The following LONRF2 variants were observed in gnomAD, a reference collection of about 807,000 sequenced individuals.
The protein encoded by LONRF2 is LON peptidase N-terminal domain and ring finger 2, also known as LON peptidase N-terminal domain and RING finger protein 2.
In LONRF2, 35 loss-of-function variants were observed where a neutral mutation model predicts 66.6. That is an observed-to-expected ratio of 0.53 (90% CI 0.40 to 0.70). The LOEUF is 0.70. LONRF2 is among the 30% of genes least tolerant of loss of function. LONRF2 has a pLI of 0.00. For missense variants in LONRF2, 902 were observed against 1,002.1 expected, an observed-to-expected ratio of 0.90 and a Z score of 1.35; for synonymous variants, 417 against 418.1, an observed-to-expected ratio of 1.00 and a Z score of 0.03.
At chr2:100,306,888 AACTT>A (rs1328168264) in intron 2 of LONRF2, among the ~76,000 whole-genome samples, 3 of 125,748 alleles carry the variant, frequency 2.4e-5, no homozygotes, top group Non-Finnish European at 5.0e-5. Context: ...TACTATCTTA[AACTT>A]ACTTTTTTTT....
At position 100,294,330 on chromosome 2, in the gene LONRF2, A is replaced by G. The variant is rs1417259051; in HGVS notation, c.1656T>C (p.Cys552=). ...AGCGGGGCTCAAAAACGTGGAGTGG[A>G]CATGGGACCGTGGGGAAGGCCATGG... ...VCAMAFPTVP[C]PLHVFEPRYR... The change falls in exon 9 of 12, where the codon TGT becomes TGC. Residue 552 remains cysteine, a synonymous_variant. Transcript: ENST00000393437. 2 of 1,608,684 alleles carry G rather than the reference A, an allele frequency of 1.2e-6. No individual in the cohort carries two copies. The highest frequency in any genetic ancestry group is 8.5e-7 in the Non-Finnish European group (1 of 1,178,010).
rs199518617 is a variant in LONRF2 at position 100,313,275 on chromosome 2, A to T, written c.680-4050T>A. Reference sequence around the variant, plus strand: ...TTTGGGAGGCCGAGGTGGGCGGATCACTTGAGGTCAGAAGTTTGAGACCAG... The same window carrying T: ...TTTGGGAGGCCGAGGTGGGCGGATCTCTTGAGGTCAGAAGTTTGAGACCAG... On this transcript the variant is annotated intron_variant, in intron 1 of 11. Transcript: ENST00000393437. Among the ~76,000 whole-genome samples, 19 of 152,316 alleles carry T rather than the reference A, an allele frequency of 1.2e-4. No homozygotes were observed. The East Asian group carries it at 2.9e-3, about 23-fold the overall frequency.
chr2:100,298,238 T>A (rs1304183668), intron 7 of LONRF2, among the ~76,000 whole-genome samples: 5 of 152,230 alleles, frequency 3.3e-5, no homozygotes, highest in African/African-American at 9.6e-5. Flanking sequence ...ATACTCTTCA[T>A]TGTATTTACC....
In LONRF2 at chr2:100,290,241, A is replaced by G. The variant is rs1288555746; in HGVS notation, c.1920+17T>C. ...AGGACCGACTGCTATAAAATACACC[A>G]GTATGATAAGCCTTACCTTTTCATC... On this transcript the variant is annotated intron_variant, in intron 10 of 11. Coordinates refer to ENST00000393437, the MANE Select transcript of LONRF2 (RefSeq NM_198461.4). 1.2e-6 allele frequency: 2 copies of G among 1,602,662 alleles called. No individual in the cohort carries two copies. Among genetic ancestry groups the G allele is most frequent in the Non-Finnish European group, 1.7e-6 (2 of 1,174,458 alleles).
chr2:100,310,216 G>A (rs759493120), intron 1 of LONRF2, among the ~76,000 whole-genome samples: 38 of 152,176 alleles, frequency 2.5e-4, no homozygotes, highest in Non-Finnish European at 4.1e-4. Flanking sequence ...GGGTCCCATG[G>A]AAAAGGCTGG....
In LONRF2 at chr2:100,281,075, T is replaced by C. The variant is rs1036861892; in HGVS notation, c.*3223A>G. 2 of 152,188 alleles carry C rather than the reference T, an allele frequency of 1.3e-5. No homozygotes were observed. Among genetic ancestry groups the C allele is most frequent in the Non-Finnish European group, 2.9e-5 (2 of 68,040 alleles). 9.4% of individuals were successfully genotyped at this position (152,188 alleles called of 1,614,324 possible). Reference sequence around the variant, plus strand: ...AAAGCCCTTAAAAATTATAACAAATTCTATGTAACACAGGCAATGGAGTAT... The same window carrying C: ...AAAGCCCTTAAAAATTATAACAAATCCTATGTAACACAGGCAATGGAGTAT... On this transcript the variant is annotated 3_prime_UTR_variant, in exon 12 of 12. Transcript: ENST00000393437.
chr2:100,313,698 T>A (rs1373904583), intron 1 of LONRF2, among the ~76,000 whole-genome samples: 9 of 152,282 alleles, frequency 5.9e-5, no homozygotes, highest in African/African-American at 1.9e-4. Flanking sequence ...ATCATGTAGT[T>A]CATTCCCAGG....
chr2:100,313,520 G>T (rs1273238652), intron 1 of LONRF2, among the ~76,000 whole-genome samples: 1 of 151,918 alleles, frequency 6.6e-6, no homozygotes, highest in Non-Finnish European at 1.5e-5. Context: ...CAAACAAATG[G>T]ACACATAAAG....
rs1261162466 is a variant in LONRF2, at chr2:100,281,242, G to A, written c.*3056C>T. ...TGTGGTAAGACTTAACATATATTAAGAGTTGAGATACAATTTGTTAAACAG... is the reference window on the plus strand; with the variant it reads ...TGTGGTAAGACTTAACATATATTAAAAGTTGAGATACAATTTGTTAAACAG... On this transcript the variant is annotated 3_prime_UTR_variant, in exon 12 of 12. Transcript: ENST00000393437. 3.3e-5 allele frequency: 5 copies of A among 151,868 alleles called. No individual in the cohort carries two copies. The highest frequency in any genetic ancestry group is 1.2e-4 in the African/African-American group (5 of 41,322). 9.4% of individuals were successfully genotyped at this position (151,868 alleles called of 1,614,324 possible). A position where few individuals can be genotyped will look rare whatever the true frequency, so the allele number is the denominator to read the frequency against.
chr2:100,286,087 T>G (rs920110489), intron 11 of LONRF2, among the ~76,000 whole-genome samples: 1 of 152,080 alleles, frequency 6.6e-6, no homozygotes, highest in Non-Finnish European at 1.5e-5. Flanking sequence ...AATGGCAATT[T>G]CTGGCAGTTA....
Position 100,321,443 on chromosome 2 carries a change from C to T in LONRF2, c.651G>A (p.Leu217=). ...GCTCCAGGGCCTGGTCGCACCTGAG[C>T]AGCGCGGCCTCCGGCTGCTGCTGGC... ...LQRQQQPEAA[L]LRCDQALELA... Residue 217 remains leucine (L), a synonymous_variant, in exon 1 of 12, where the codon CTG becomes CTA. Coordinates refer to ENST00000393437, the MANE Select transcript of LONRF2 (RefSeq NM_198461.4). 6.7e-7 allele frequency: 1 copy of T among 1,492,462 alleles called. No individual in the cohort carries two copies. Among genetic ancestry groups the T allele is most frequent in the Non-Finnish European group, 8.8e-7 (1 of 1,131,366 alleles). 92.5% of individuals were successfully genotyped at this position (1,492,462 alleles called of 1,614,324 possible).
At position 100,274,936 on chromosome 2, in the gene LONRF2, C is replaced by T. The variant is rs1453271598; in HGVS notation, c.*9362G>A. 6.6e-6 allele frequency: 1 copy of T among 152,260 alleles called. No homozygotes were observed. Among genetic ancestry groups the T allele is most frequent in the Non-Finnish European group, 1.5e-5 (1 of 68,068 alleles). 9.4% of individuals were successfully genotyped at this position (152,260 alleles called of 1,614,324 possible). On this transcript the variant is annotated 3_prime_UTR_variant, in exon 12 of 12. Coordinates refer to ENST00000393437, the MANE Select transcript of LONRF2 (RefSeq NM_198461.4). The stretch of plus-strand genomic sequence containing the variant: ...CTCCTTTATGAATTAAACGTGGGTA[C>T]ATTTCGATACCACGGGCACAGTGAG...
chr2:100,302,797 A>G, intron 3 of LONRF2, 124 bp downstream of exon 3: 1 of 958,928 alleles, frequency 1.0e-6, no homozygotes, highest in Non-Finnish European at 1.4e-6. Flanking sequence ...TGCGTTTTTT[A>G]TTGCATTATC....
chr2:100,312,408 T>C (rs928381254), intron 1 of LONRF2, among the ~76,000 whole-genome samples: 2 of 152,200 alleles, frequency 1.3e-5, no homozygotes, highest in African/African-American at 4.8e-5. Flanking sequence ...TCTCACCTGT[T>C]AACTAACTCA....
Position 100,280,900 on chromosome 2 carries a change from T to TA in LONRF2, c.*3397_*3398insT, listed in dbSNP as rs1390073248. 6.6e-6 allele frequency: 1 copy of TA among 152,238 alleles called. No homozygotes were observed. The highest frequency in any genetic ancestry group is 2.4e-5 in the African/African-American group (1 of 41,472). 9.4% of individuals were successfully genotyped at this position (152,238 alleles called of 1,614,324 possible). ...TCACCCACATTTATTTTCTTCTAAT[T>TA]TGCTATCACCTTTCTTCTTCATATC... On this transcript the variant is annotated 3_prime_UTR_variant, in exon 12 of 12. Transcript: ENST00000393437.
chr2:100,321,764 G>C lies in LONRF2; in HGVS notation c.330C>G (p.Asp110Glu), dbSNP rs74177694. The change falls in exon 1 of 12, where the codon GAC (aspartate) becomes GAG (glutamate). Residue 110 changes from aspartate to glutamate, a missense_variant. Physicochemically the swap from Asp to Glu is conservative, Grantham distance 45. Coordinates refer to ENST00000393437, the MANE Select transcript of LONRF2 (RefSeq NM_198461.4). ...CCGGGTTCTCCGCGGACAGCGGCCG[G>C]TCGCGCAGGCCCACGGCGCGCACCA... ...GGLVRAVGLR[D>E]RPLSAENPGG... 0.47 allele frequency: 488,232 copies of C among 1,040,260 alleles called. 118,439 individuals are homozygous for C. Among genetic ancestry groups the C allele is most frequent in the East Asian group, 0.76 (8,790 of 11,540 alleles). The allele number at this position is 1,040,260 out of a possible 1,614,324, so 64.4% of individuals were successfully genotyped here.
At position 100,303,047 on chromosome 2, in the gene LONRF2, G is replaced by C; in HGVS notation, c.799-4C>G. Reference sequence around the variant, plus strand: ...CCTGAGCTTTTACTTGATGTCCCTAGATTCACCGAAGACAAAGTGTACATT... The same window carrying C: ...CCTGAGCTTTTACTTGATGTCCCTACATTCACCGAAGACAAAGTGTACATT... On this transcript the variant is annotated splice_region_variant and splice_polypyrimidine_tract_variant and intron_variant, in intron 2 of 11. Coordinates refer to ENST00000393437, the MANE Select transcript of LONRF2 (RefSeq NM_198461.4). 1.9e-6 allele frequency: 3 copies of C among 1,589,078 alleles called. No homozygotes were observed. Among genetic ancestry groups the C allele is most frequent in the Non-Finnish European group, 2.6e-6 (3 of 1,168,820 alleles).
chr2:100,282,697 A>C lies in LONRF2; in HGVS notation c.*1601T>G, dbSNP rs1170581575. On this transcript the variant is annotated 3_prime_UTR_variant, in exon 12 of 12. Coordinates refer to ENST00000393437, the MANE Select transcript of LONRF2 (RefSeq NM_198461.4). ...TCTCAAGATGATATTTGAGATTCACAATAAGTGAGGCACTTGAAACATTGG... is the reference window on the plus strand; with the variant it reads ...TCTCAAGATGATATTTGAGATTCACCATAAGTGAGGCACTTGAAACATTGG... 2.0e-5 allele frequency: 3 copies of C among 152,212 alleles called. No individual in the cohort carries two copies. The highest frequency in any genetic ancestry group is 7.2e-5 in the African/African-American group (3 of 41,462). The allele number at this position is 152,212 out of a possible 1,614,324, so 9.4% of individuals were successfully genotyped here.
At chr2:100,294,521 G>T in intron 8 of LONRF2, 134 bp from the exon 9 acceptor site, 1 of 724,988 alleles carries the variant, frequency 1.4e-6, no homozygotes, top group Non-Finnish European at 2.1e-6. Flanking sequence ...GGCTAAGAGG[G>T]ACAAGAAAGC....
Sources: allele counts gnomAD v4.1 joint callset (sites outside exome capture counted in the v4.1 genomes callset), GRCh38; gene constraint gnomAD v4.1.1; transcripts MANE v1.5; gene names NCBI Gene and HGNC (gene_info 2026-07-23, HGNC 2026-07-21).